Variants in NCKAP5 observed in about 807,000 individuals in gnomAD.
NCKAP5 encodes nck-associated protein 5.
A neutral mutation model predicts 167.0 loss-of-function variants in NCKAP5; 92 were observed. The ratio of observed to expected loss-of-function variants is 0.55; its 90% CI spans 0.47 to 0.66. The LOEUF is 0.66. Among genes scored for constraint, NCKAP5 ranks in the 30% least tolerant of loss-of-function variants. NCKAP5 has a pLI of 0.00. For missense variants in NCKAP5, 2,378 were observed against 2,315.0 expected, an observed-to-expected ratio of 1.03 and a Z score of -0.56; for synonymous variants, 891 against 877.4, an observed-to-expected ratio of 1.02 and a Z score of -0.27.
chr2:132,978,857 AGC>A (rs1329437254), intron 7 of NCKAP5, among the ~76,000 whole-genome samples: 1 of 152,164 alleles, frequency 6.6e-6, no homozygotes, highest in African/African-American at 2.4e-5. Flanking sequence ...ACTCCCACTA[AGC>A]TGTAAGGATG....
chr2:133,621,603 C>A, the NCKAP5 span, among the ~76,000 whole-genome samples: 1 of 151,840 alleles, frequency 6.6e-6, no homozygotes, highest in South Asian at 2.1e-4. Context: ...CAGACCAAGA[C>A]CAAGACCAAT....
chr2:133,323,079 C>T (rs2150682936), intron 3 of NCKAP5, among the ~76,000 whole-genome samples: 1 of 152,280 alleles, frequency 6.6e-6, no homozygotes, highest in South Asian at 2.1e-4. Flanking sequence ...ATCCTTCCAC[C>T]TATTCATTCA....
chr2:133,385,683 T>C (rs1223744543), intron 3 of NCKAP5, among the ~76,000 whole-genome samples: 1 of 149,576 alleles, frequency 6.7e-6, no homozygotes, highest in South Asian at 2.1e-4. Flanking sequence ...GTCCTGGACT[T>C]TTTTTGGTTG....
At chr2:133,390,510 T>C (rs1406334396) in intron 3 of NCKAP5, among the ~76,000 whole-genome samples, 1 of 152,194 alleles carries the variant, frequency 6.6e-6, no homozygotes, top group Non-Finnish European at 1.5e-5. Flanking sequence ...TTGCCTGGTT[T>C]CTTACAGAAA....
In NCKAP5 at chr2:133,103,728, T is replaced by G. The variant is rs554854896; in HGVS notation, c.341+26250A>C. On this transcript the variant is annotated intron_variant, in intron 6 of 19. Transcript: ENST00000409261. ...CCAGGAGTTCGAGGCTGCGGTGAAC[T>G]ATGATTACACTGCTGCACTCCAGCC... Among the ~76,000 whole-genome samples the G allele has an allele frequency of 4.6e-5, 7 of 152,254 alleles. No homozygotes were observed. The South Asian group carries it at 1.2e-3, about 27-fold the overall frequency.
intron 6 of NCKAP5, among the ~76,000 whole-genome samples, chr2:133,128,791 C>T (rs866259507): frequency 3.9e-5 from 6 of 152,054 alleles, no homozygotes; most frequent in African/African-American, 1.2e-4. Flanking sequence ...AGAGATGAGG[C>T]TTTGCCATGT....
the NCKAP5 span, among the ~76,000 whole-genome samples, chr2:133,586,796 G>C: frequency 2.2e-5 from 3 of 133,750 alleles, no homozygotes; most frequent in East Asian, 6.4e-4. Flanking sequence ...CACACACACA[G>C]GATTTAGGAT....
chr2:132,892,979 C>T (rs1692835888), intron 8 of NCKAP5, among the ~76,000 whole-genome samples: 1 of 140,476 alleles, frequency 7.1e-6, no homozygotes, highest in Non-Finnish European at 1.5e-5. Flanking sequence ...TTCTTGACCT[C>T]TGATCTATAA....
chr2:133,347,237 G>T (rs1307445767), intron 3 of NCKAP5, among the ~76,000 whole-genome samples: 1 of 152,084 alleles, frequency 6.6e-6, no homozygotes, highest in Non-Finnish European at 1.5e-5. Context: ...TTTCAAAATT[G>T]TGTGGGGGGA....
At chr2:133,552,930 G>A (rs909220675) in intron 2 of NCKAP5, among the ~76,000 whole-genome samples, 7 of 152,022 alleles carry the variant, frequency 4.6e-5, no homozygotes, top group Non-Finnish European at 8.8e-5. Context: ...GTATGATGAG[G>A]GCATGAAGCA....
chr2:133,542,154 T>TCCCCATC (rs1194982667), intron 2 of NCKAP5, among the ~76,000 whole-genome samples: 1 of 152,072 alleles, frequency 6.6e-6, no homozygotes, highest in African/African-American at 2.4e-5. Flanking sequence ...TCCCTAAACA[T>TCCCCATC]AGAAAAGCTG....
intron 3 of NCKAP5, among the ~76,000 whole-genome samples, chr2:133,435,666 A>T (rs1228507735): frequency 7.9e-5 from 12 of 152,158 alleles, no homozygotes; most frequent in Non-Finnish European, 1.3e-4. Context: ...GGTTTTAGTT[A>T]AAAAAAGCAG....
intron 3 of NCKAP5, among the ~76,000 whole-genome samples, chr2:133,470,453 G>C (rs956739281): frequency 6.6e-6 from 1 of 152,224 alleles, no homozygotes; most frequent in Non-Finnish European, 1.5e-5. Context: ...AGAGGTTGCT[G>C]CTGTCTTTTT....
At chr2:133,388,629 C>T (rs908311622) in intron 3 of NCKAP5, among the ~76,000 whole-genome samples, 9 of 152,236 alleles carry the variant, frequency 5.9e-5, no homozygotes, top group African/African-American at 4.8e-5. Context: ...GCCCTGCCCC[C>T]ACAGGTGGAG....
At chr2:133,213,625 T>C in intron 5 of NCKAP5, 91 bp downstream of exon 5, 2 of 1,247,056 alleles carry the variant, frequency 1.6e-6, no homozygotes. Context: ...CAAGCAAATA[T>C]TTTCCTTAGA....
At chr2:133,602,477 T>C in the NCKAP5 span, among the ~76,000 whole-genome samples, 8 of 152,154 alleles carry the variant, frequency 5.3e-5, no homozygotes, top group African/African-American at 1.9e-4. Context: ...CTTTTGTGGC[T>C]GATAGAAAGC....
chr2:133,515,945 A>G (rs954820149), intron 3 of NCKAP5, among the ~76,000 whole-genome samples: 29 of 152,226 alleles, frequency 1.9e-4, no homozygotes, highest in African/African-American at 7.0e-4. Context: ...GAGTGCTACT[A>G]TGAATTATTG....
chr2:133,032,493 C>A (rs763570823), intron 6 of NCKAP5, among the ~76,000 whole-genome samples: 63 of 152,310 alleles, frequency 4.1e-4, no homozygotes, highest in Middle Eastern at 6.8e-3. Flanking sequence ...TAGTCCCTGA[C>A]TCCCAGATGG....
intron 11 of NCKAP5, among the ~76,000 whole-genome samples, chr2:132,806,100 G>A (rs1685412025): frequency 6.6e-6 from 1 of 152,068 alleles, no homozygotes; most frequent in African/African-American, 2.4e-5. Flanking sequence ...TGCAAATGCT[G>A]TTAATTCGTT....
Sources: allele counts gnomAD v4.1 joint callset (sites outside exome capture counted in the v4.1 genomes callset), GRCh38; gene constraint gnomAD v4.1.1; transcripts MANE v1.5; gene names NCBI Gene and HGNC (gene_info 2026-07-23, HGNC 2026-07-21).